SYNM: variants seen among roughly 807,000 people sequenced by gnomAD.
SYNM encodes synemin, also known as desmuslin.
Under a neutral mutation model 104.0 loss-of-function variants are expected in SYNM, and 95 were observed. The observed-to-expected ratio is 0.91, with a 90% confidence interval of 0.77 to 1.08. The LOEUF (loss-of-function observed/expected upper bound fraction) is 1.08. Among genes scored for constraint, SYNM ranks in the 50% least tolerant of loss-of-function variants. The probability of loss-of-function intolerance (pLI) is 0.00; values close to 1 mark genes in which losing one functional copy is unlikely to be tolerated. For synonymous variants in SYNM, 918 were observed against 869.0 expected (o/e 1.06, Z -0.99); for missense variants, 2,150 against 2,052.2 (o/e 1.05, Z -0.92).
downstream of SYNM, chr15:99,139,474 T>C: frequency 6.3e-7 from 1 of 1,599,198 alleles, no homozygotes; most frequent in Non-Finnish European, 8.5e-7. Flanking sequence ...CTCCCTTGAA[T>C]GAGAGAAAGA....
chr15:99,140,963 CAA>C, the SYNM span: 1 of 152,108 alleles, frequency 6.6e-6, no homozygotes, highest in African/African-American at 2.4e-5. Flanking sequence ...ACAGATTATT[CAA>C]AGAGTTGAAA....
At chr15:99,139,425 G>T (rs2067959901), downstream of SYNM, 2 of 1,613,912 alleles carry the variant, frequency 1.2e-6, no homozygotes, top group Admixed American at 3.3e-5. Context: ...CAGCTATCAT[G>T]AGGCTATGGA....
At chr15:99,124,652 C>G (rs890190124) in intron 2 of SYNM, among the ~76,000 whole-genome samples, 4 of 152,212 alleles carry the variant, frequency 2.6e-5, no homozygotes, top group Admixed American at 6.5e-5. Context: ...TCTGGCCTCA[C>G]TGGGAGGCCT....
intron 1 of SYNM, among the ~76,000 whole-genome samples, chr15:99,108,346 T>C (rs553009138): frequency 6.6e-6 from 1 of 152,244 alleles, no homozygotes; most frequent in East Asian, 1.9e-4. Context: ...CTTGTCCATA[T>C]ACTGAATCTT....
rs1247076812 is a variant in SYNM, at chr15:99,105,284, G to C, written c.85G>C (p.Val29Leu). The C allele has an allele frequency of 8.4e-6, 13 of 1,555,842 alleles. No individual in the cohort carries two copies. Among genetic ancestry groups the C allele is most frequent in the Non-Finnish European group, 1.1e-5 (13 of 1,150,926 alleles). ...CCGGCTCTATGACTACGTGTGTCGG[G>C]TGCGGGAGCTGGAGCGCGAAAACCT... is the stretch of plus-strand genomic sequence containing the variant. ...NARLYDYVCRVRELERENLLL... is the reference protein window; with the variant it reads ...NARLYDYVCRLRELERENLLL... Residue 29 changes from valine (V) to leucine (L), a missense_variant, in exon 1 of 4, where the codon GTG becomes CTG. Val to Leu is a conservative substitution (Grantham distance 32). Transcript: ENST00000336292.
At chr15:99,123,782 T>C (rs1187926427) in intron 2 of SYNM, among the ~76,000 whole-genome samples, 1 of 152,270 alleles carries the variant, frequency 6.6e-6, no homozygotes, top group Non-Finnish European at 1.5e-5. Flanking sequence ...GGGAACATCC[T>C]GACAGTGCCT....
downstream of SYNM, chr15:99,138,123 G>A (rs781906551): frequency 7.4e-6 from 12 of 1,612,290 alleles, no homozygotes; most frequent in Non-Finnish European, 9.3e-6. Flanking sequence ...GCAACCTTGG[G>A]GGCCCTGCAG....
rs1683181876 is a variant in SYNM, at chr15:99,105,571, G to C, written c.372G>C (p.Leu124=). The change falls in exon 1 of 4, where the codon CTG becomes CTC. Residue 124 remains leucine, a synonymous_variant. Transcript: ENST00000336292. The stretch of plus-strand genomic sequence containing the variant: ...AGCAGCGCGAGCTGCAGGAGGCGCT[G>C]GGCGCGCGCGCCGCCCTCGAGGCGC... ...GAQQRELQEA[L]GARAALEALL... is the part of the protein sequence containing the mutation. The C allele has an allele frequency of 8.6e-7, 1 of 1,164,276 alleles. No homozygotes were observed. Among genetic ancestry groups the C allele is most frequent in the Admixed American group, 4.7e-5 (1 of 21,194 alleles). The allele number at this position is 1,164,276 out of a possible 1,614,324, so 72.1% of individuals were successfully genotyped here.
rs1388597818 is a variant in SYNM at position 99,131,194 on chromosome 15, C to T, written c.2834C>T (p.Pro945Leu). The stretch of plus-strand genomic sequence containing the variant: ...ATGAAGGGCATCTCCTCCAAGGAGC[C>T]CCGGCAGCAGCTGGTGGAGGTCATC... The part of the protein sequence containing the change: ...TSMKGISSKE[P>L]RQQLVEVIGQ... The change falls in exon 4 of 4, where the codon CCC becomes CTC. Residue 945 changes from proline (P) to leucine (L), a missense_variant. Transcript: ENST00000336292. This position sits in a 1 kb window ranked among gnomAD's most constrained non-coding sequence, Gnocchi z 4.3. 1.2e-6 allele frequency: 2 copies of T among 1,608,480 alleles called. No homozygotes were observed. The highest frequency in any genetic ancestry group is 1.7e-6 in the Non-Finnish European group (2 of 1,177,526).
In SYNM at chr15:99,131,824, G is replaced by A. The variant is rs781907286; in HGVS notation, c.3464G>A (p.Gly1155Glu). Residue 1155 changes from glycine (G) to glutamate (E), a missense_variant, in exon 4 of 4, where the codon GGA becomes GAA. Physicochemically the swap from Gly to Glu is moderately conservative, Grantham distance 98 (BLOSUM62 -2). Coordinates refer to ENST00000336292, the MANE Select transcript of SYNM (RefSeq NM_145728.3). This position sits in a 1 kb window ranked among gnomAD's most constrained non-coding sequence, Gnocchi z 4.3. ...PTAEVVEVSA[G>E]GDLSQAASPT... ...GCAGAAGTGGTGGAGGTAAGTGCGG[G>A]AGGTGACCTAAGTCAGGCAGCGAGC... 1 of 1,613,816 alleles carries A rather than the reference G, an allele frequency of 6.2e-7. No homozygotes were observed. The highest frequency in any genetic ancestry group is 1.3e-5 in the African/African-American group (1 of 74,944).
chr15:99,134,318 C>CGGAGTGTGGACCTGTAGATA lies in SYNM; in HGVS notation c.*1263_*1282dup, dbSNP rs1567286894. ...GAAAGGCCCCCATGCTCATGGGCCG[C>CGGAGTGTGGACCTGTAGATA]GGAGTGTGGACCTGTAGATAGGCAC... On this transcript the variant is annotated 3_prime_UTR_variant, in exon 4 of 4. Transcript: ENST00000336292. 6.6e-6 allele frequency: 1 copy of CGGAGTGTGGACCTGTAGATA among 151,470 alleles called. No individual in the cohort carries two copies. The highest frequency in any genetic ancestry group is 2.4e-5 in the African/African-American group (1 of 41,162). 9.4% of individuals were successfully genotyped at this position (151,470 alleles called of 1,614,324 possible). A position where few individuals can be genotyped will look rare whatever the true frequency, so the allele number is the denominator to read the frequency against.
chr15:99,125,363 G>A (rs2067437191), intron 2 of SYNM, among the ~76,000 whole-genome samples: 1 of 152,240 alleles, frequency 6.6e-6, no homozygotes, highest in East Asian at 1.9e-4. Flanking sequence ...ACAATGCTTG[G>A]TCATGAGGGC....
chr15:99,108,367 A>C (rs74659359), intron 1 of SYNM, among the ~76,000 whole-genome samples: 2,779 of 152,202 alleles, frequency 0.018, 87 homozygotes, highest in African/African-American at 0.063. Flanking sequence ...CCCTCAGTTA[A>C]CTTAAGTCAA....
chr15:99,124,789 C>T (rs1329736006), intron 2 of SYNM, among the ~76,000 whole-genome samples: 2 of 152,138 alleles, frequency 1.3e-5, no homozygotes, highest in Non-Finnish European at 2.9e-5. Context: ...ACCTCTAGAG[C>T]GAGGATGCAG....
intron 2 of SYNM, among the ~76,000 whole-genome samples, chr15:99,118,805 G>C (rs1226091516): frequency 1.3e-5 from 2 of 152,204 alleles, no homozygotes; most frequent in African/African-American, 4.8e-5. Context: ...GGAAGCTGCT[G>C]GCAGCTCGCC....
Position 99,132,272 on chromosome 15 carries a change from C to G in SYNM, c.3912C>G (p.Ser1304Arg), listed in dbSNP as rs1000789989. 2.5e-6 allele frequency: 4 copies of G among 1,607,642 alleles called. No homozygotes were observed. In the East Asian group the frequency reaches 6.7e-5, roughly 27 times the overall value. Residue 1304 changes from serine to arginine, a missense_variant, in exon 4 of 4, where the codon AGC becomes AGG. Transcript: ENST00000336292. Reference sequence around the variant, plus strand: ...TACACATGGAAGGGTTGCCAGGGAGCAGCACATCCATCAGGCACATCAGCA... The same window carrying G: ...TACACATGGAAGGGTTGCCAGGGAGGAGCACATCCATCAGGCACATCAGCA... ...DSVHMEGLPG[S>R]STSIRHISIG...
chr15:99,123,887 CAGAG>C (rs2067424258), intron 2 of SYNM, among the ~76,000 whole-genome samples: 1 of 152,274 alleles, frequency 6.6e-6, no homozygotes, highest in Non-Finnish European at 1.5e-5. Context: ...CTATCCCAGA[CAGAG>C]AGCCTTGCCT....
Position 99,134,194 on chromosome 15 carries a change from G to A in SYNM, c.*1136G>A, listed in dbSNP as rs2067541063. ...CATTGCAGTTGGGGTGTTTTGTCCA[G>A]GGAAACAGTTTATTAAATAGAAGGA... On this transcript the variant is annotated 3_prime_UTR_variant, in exon 4 of 4. Transcript: ENST00000336292. 1 of 152,036 alleles carries A rather than the reference G, an allele frequency of 6.6e-6. No individual in the cohort carries two copies. Among genetic ancestry groups the A allele is most frequent in the African/African-American group, 2.4e-5 (1 of 41,382 alleles). 9.4% of individuals were successfully genotyped at this position (152,036 alleles called of 1,614,324 possible).
chr15:99,116,402 C>G (rs1420150482), intron 2 of SYNM, among the ~76,000 whole-genome samples: 2 of 146,400 alleles, frequency 1.4e-5, no homozygotes, highest in East Asian at 2.2e-4. Flanking sequence ...TCAGACTGCC[C>G]CAAGTCAGAA....
Sources: gnomAD v4.1 joint callset for allele counts (sites outside exome capture counted in the v4.1 genomes callset) on GRCh38, gnomAD v4.1.1 for gene constraint, Gnocchi (gnomAD v3.1) non-coding constraint, MANE v1.5 for transcripts, NCBI Gene and HGNC (gene_info 2026-07-23, HGNC 2026-07-21) for gene names.